Variants in MYO3B observed in about 807,000 individuals in gnomAD.
MYO3B encodes the protein myosin IIIB.
A neutral mutation model predicts 174.6 loss-of-function variants in MYO3B; 156 were observed. That is an observed-to-expected ratio of 0.89 (90% CI 0.78 to 1.02). The LOEUF is 1.02. MYO3B is among the 50% of genes least tolerant of loss of function. The probability of loss-of-function intolerance (pLI) is 0.00; values close to 1 mark genes in which losing one functional copy is unlikely to be tolerated. For synonymous variants in MYO3B, 563 were observed against 569.1 expected (o/e 0.99, Z 0.15); for missense variants, 1,632 against 1,639.4 (o/e 1.00, Z 0.08).
At chr2:170,537,731 G>GCCA (rs1447822754) in intron 30 of MYO3B, among the ~76,000 whole-genome samples, 6 of 151,984 alleles carry the variant, frequency 3.9e-5, no homozygotes, top group South Asian at 2.1e-4. Flanking sequence ...ACAGGCTTGA[G>GCCA]CCACCACGCC....
intron 8 of MYO3B, among the ~76,000 whole-genome samples, chr2:170,356,072 T>G (rs1390898191): frequency 6.6e-6 from 1 of 152,098 alleles, no homozygotes; most frequent in Admixed American, 6.6e-5. Context: ...GCCATTCTCC[T>G]GCCTCAGCCT....
At chr2:170,327,133 T>TC (rs1356585227) in intron 7 of MYO3B, among the ~76,000 whole-genome samples, 2 of 152,218 alleles carry the variant, frequency 1.3e-5, no homozygotes, top group Admixed American at 1.3e-4. Flanking sequence ...ACGCCTGTAA[T>TC]CCCAGCACTT....
chr2:170,408,783 A>G (rs1252033539), intron 22 of MYO3B, among the ~76,000 whole-genome samples: 5 of 149,078 alleles, frequency 3.4e-5, no homozygotes, highest in Non-Finnish European at 7.4e-5. Flanking sequence ...GCCACAGTCT[A>G]CAGCCTTTGC....
intron 32 of MYO3B, among the ~76,000 whole-genome samples, chr2:170,610,893 A>G (rs1004044614): frequency 6.6e-6 from 1 of 152,204 alleles, no homozygotes; most frequent in African/African-American, 2.4e-5. Flanking sequence ...TAGTTTATAT[A>G]ATTCTCAATA....
chr2:170,383,671 G>A lies in MYO3B; in HGVS notation c.1186-39G>A, dbSNP rs1156715424. 2.0e-6 allele frequency: 3 copies of A among 1,482,420 alleles called. No individual in the cohort carries two copies. The Admixed American group carries it at 5.0e-5, about 25-fold the overall frequency. 91.8% of individuals were successfully genotyped at this position (1,482,420 alleles called of 1,614,324 possible). On this transcript the variant is annotated intron_variant, in intron 11 of 34. Transcript: ENST00000408978. ...GGCAATAGGTAGTGGAGTATTAGAT[G>A]GTCCAGGGGAGAGTTTCCTTTAATT...
At chr2:170,386,335 A>G in intron 13 of MYO3B, 63 bp downstream of exon 13, 1 of 1,381,062 alleles carries the variant, frequency 7.2e-7, no homozygotes. Flanking sequence ...TGCATATTTG[A>G]TAAATGATGG....
chr2:170,443,875 A>T, intron 22 of MYO3B, 92 bp from the exon 23 acceptor site: 1 of 1,025,632 alleles, frequency 9.8e-7, no homozygotes, highest in South Asian at 2.4e-5. Context: ...TTGAAAATTC[A>T]GAAAAATACA....
At chr2:170,209,142 C>T (rs1172615189) in intron 3 of MYO3B, among the ~76,000 whole-genome samples, 1 of 152,140 alleles carries the variant, frequency 6.6e-6, no homozygotes, top group Non-Finnish European at 1.5e-5. Context: ...CCAGTCAAAG[C>T]CTTGGTAAAA....
intron 23 of MYO3B, among the ~76,000 whole-genome samples, chr2:170,447,818 A>G (rs1683320234): frequency 6.6e-6 from 1 of 152,222 alleles, no homozygotes; most frequent in Non-Finnish European, 1.5e-5. Flanking sequence ...TTTGGTAGGT[A>G]GGGGGCAAGT....
At chr2:170,234,827 C>T (rs958757267) in intron 6 of MYO3B, among the ~76,000 whole-genome samples, 1 of 152,178 alleles carries the variant, frequency 6.6e-6, no homozygotes, top group African/African-American at 2.4e-5. Context: ...GCTGTACATT[C>T]AAAATTATAC....
chr2:170,607,152 A>G (rs940754654), intron 32 of MYO3B, among the ~76,000 whole-genome samples: 12 of 152,238 alleles, frequency 7.9e-5, no homozygotes, highest in Admixed American at 7.2e-4. Context: ...CAGTTATAAT[A>G]AGTCAAATTG....
intron 32 of MYO3B, among the ~76,000 whole-genome samples, chr2:170,622,447 A>G (rs181209615): frequency 6.6e-6 from 1 of 152,232 alleles, no homozygotes; most frequent in Non-Finnish European, 1.5e-5. Flanking sequence ...AAAACAATAC[A>G]AAAGGAATAC....
chr2:170,637,119 A>G (rs1290901093), intron 32 of MYO3B, among the ~76,000 whole-genome samples: 2 of 150,380 alleles, frequency 1.3e-5, no homozygotes, highest in Non-Finnish European at 3.0e-5. Flanking sequence ...TTTATGACAT[A>G]TAGGAAGGTG....
intron 32 of MYO3B, among the ~76,000 whole-genome samples, chr2:170,619,590 C>G (rs1695720768): frequency 6.6e-6 from 1 of 151,976 alleles, no homozygotes; most frequent in Admixed American, 6.6e-5. Context: ...AACCACGTCT[C>G]TCACCACATG....
chr2:170,307,142 C>T (rs2093706102), intron 7 of MYO3B, among the ~76,000 whole-genome samples: 1 of 146,806 alleles, frequency 6.8e-6, no homozygotes, highest in South Asian at 2.2e-4. Context: ...ACTTTGGAGG[C>T]TAAGGCAGGA....
At chr2:170,370,115 A>C (rs2094229686) in intron 9 of MYO3B, among the ~76,000 whole-genome samples, 1 of 152,224 alleles carries the variant, frequency 6.6e-6, no homozygotes, top group Non-Finnish European at 1.5e-5. Context: ...CTCTTTAAAA[A>C]AAATTAAATG....
intron 7 of MYO3B, among the ~76,000 whole-genome samples, chr2:170,295,289 T>G (rs975323416): frequency 6.6e-6 from 1 of 152,042 alleles, no homozygotes; most frequent in Non-Finnish European, 1.5e-5. Context: ...TTGGATTCAT[T>G]TATACCATTT....
At chr2:170,266,563 A>G (rs1207768725) in intron 7 of MYO3B, among the ~76,000 whole-genome samples, 1 of 152,112 alleles carries the variant, frequency 6.6e-6, no homozygotes, top group Non-Finnish European at 1.5e-5. Flanking sequence ...AAATGTGCTT[A>G]TTATGCTTTT....
chr2:170,283,994 T>A (rs2093534736), intron 7 of MYO3B, among the ~76,000 whole-genome samples: 1 of 152,218 alleles, frequency 6.6e-6, no homozygotes, highest in Non-Finnish European at 1.5e-5. Context: ...GCTGAGCAGC[T>A]CTTATGAATT....
Sources: gnomAD v4.1 joint callset for allele counts (sites outside exome capture counted in the v4.1 genomes callset) on GRCh38, gnomAD v4.1.1 for gene constraint, MANE v1.5 for transcripts, NCBI Gene and HGNC (gene_info 2026-07-23, HGNC 2026-07-21) for gene names.